The following UBE2E1 variants were observed in gnomAD, a reference collection of about 807,000 sequenced individuals.
The protein encoded by UBE2E1 is ubiquitin conjugating enzyme E2 E1.
A neutral mutation model predicts 21.4 loss-of-function variants in UBE2E1; 6 were observed. The observed-to-expected ratio is 0.28, with a 90% CI of 0.15 to 0.55. The LOEUF is 0.55. Ranked by LOEUF, UBE2E1 falls within the 20% of genes least tolerant of loss-of-function variation. The pLI is 0.93. For missense variants in UBE2E1, 142 were observed against 236.5 expected, an observed-to-expected ratio of 0.60 and a Z score of 2.62; for synonymous variants, 87 against 82.7, an observed-to-expected ratio of 1.05 and a Z score of -0.28.
intron 3 of UBE2E1, among the ~76,000 whole-genome samples, chr3:23,815,849 A>C (rs1699504465): frequency 6.6e-6 from 1 of 152,238 alleles, no homozygotes. Context: ...TAGAAGTGTG[A>C]CTTAAACATC....
At chr3:23,812,028 T>C (rs1281906292) in intron 3 of UBE2E1, among the ~76,000 whole-genome samples, 1 of 152,218 alleles carries the variant, frequency 6.6e-6, no homozygotes, top group South Asian at 2.1e-4. Context: ...TTCTTTTAAA[T>C]TGTAGAGTTA....
At chr3:23,872,045 C>G (rs1007683683) in intron 3 of UBE2E1, among the ~76,000 whole-genome samples, 10 of 151,890 alleles carry the variant, frequency 6.6e-5, no homozygotes, top group East Asian at 5.8e-4. Flanking sequence ...AGGTTGTAGC[C>G]GGCCGAGATC....
At chr3:23,814,300 T>C (rs934210179) in intron 3 of UBE2E1, among the ~76,000 whole-genome samples, 1 of 152,248 alleles carries the variant, frequency 6.6e-6, no homozygotes, top group Non-Finnish European at 1.5e-5. Flanking sequence ...TTGCTCAATA[T>C]GTTATAATGT....
intron 3 of UBE2E1, among the ~76,000 whole-genome samples, chr3:23,855,923 A>T (rs908223874): frequency 1.3e-5 from 2 of 152,188 alleles, no homozygotes; most frequent in African/African-American, 2.4e-5. Flanking sequence ...CAGTTCCGTG[A>T]GGTGTGGTAT....
chr3:23,826,188 A>G (rs1442722006), intron 3 of UBE2E1, among the ~76,000 whole-genome samples: 1 of 152,222 alleles, frequency 6.6e-6, no homozygotes, highest in Non-Finnish European at 1.5e-5. Flanking sequence ...ATATCTAGAT[A>G]TCTGTGTATC....
At chr3:23,839,330 G>T (rs1204303661) in intron 3 of UBE2E1, among the ~76,000 whole-genome samples, 1 of 151,970 alleles carries the variant, frequency 6.6e-6, no homozygotes, top group Non-Finnish European at 1.5e-5. Context: ...CGGGCATGGT[G>T]ACATGCGCAT....
intron 3 of UBE2E1, among the ~76,000 whole-genome samples, chr3:23,868,774 G>A (rs1171135206): frequency 6.6e-6 from 1 of 151,082 alleles, no homozygotes; most frequent in Non-Finnish European, 1.5e-5. Flanking sequence ...AAAATCCCCT[G>A]CATCTCATCC....
At chr3:23,824,342 G>A (rs573667529) in intron 3 of UBE2E1, among the ~76,000 whole-genome samples, 1 of 152,244 alleles carries the variant, frequency 6.6e-6, no homozygotes, top group East Asian at 1.9e-4. Context: ...ATGAATTTGT[G>A]AAGAAAGGCA....
At chr3:23,846,161 T>C (rs1229246770) in intron 3 of UBE2E1, among the ~76,000 whole-genome samples, 1 of 152,246 alleles carries the variant, frequency 6.6e-6, no homozygotes, top group Non-Finnish European at 1.5e-5. Flanking sequence ...AAGTAGTTCT[T>C]AATGGTCAGG....
chr3:23,861,911 T>C (rs1201815994), intron 3 of UBE2E1, among the ~76,000 whole-genome samples: 1 of 152,242 alleles, frequency 6.6e-6, no homozygotes, highest in Non-Finnish European at 1.5e-5. Context: ...AAAGCCAGGA[T>C]ACAGAAAGCC....
At chr3:23,813,383 G>A (rs1699444316) in intron 3 of UBE2E1, among the ~76,000 whole-genome samples, 1 of 152,062 alleles carries the variant, frequency 6.6e-6, no homozygotes, top group African/African-American at 2.4e-5. Context: ...TTTACTTTTG[G>A]TTGGCTAATG....
intron 3 of UBE2E1, among the ~76,000 whole-genome samples, chr3:23,881,524 CACAGT>C (rs1287658660): frequency 4.6e-5 from 7 of 152,116 alleles, no homozygotes; most frequent in African/African-American, 1.7e-4. Context: ...TTTAAAAAGG[CACAGT>C]CTTATACTTA....
intron 3 of UBE2E1, among the ~76,000 whole-genome samples, chr3:23,868,173 C>A (rs569256345): frequency 6.6e-6 from 1 of 152,190 alleles, no homozygotes; most frequent in South Asian, 2.1e-4. Context: ...AACATACATT[C>A]GAATGCCTGG....
Position 23,807,421 on chromosome 3 carries a change from G to T in UBE2E1, c.152G>T (p.Arg51Ile). The T allele has an allele frequency of 6.3e-7, 1 of 1,599,986 alleles. No individual in the cohort carries two copies. Among genetic ancestry groups the T allele is most frequent in the Non-Finnish European group, 8.5e-7 (1 of 1,176,060 alleles). ...NSKLLSTSAK[R>I]IQKELADITL... is the part of the protein sequence containing the mutation. ...AAACTCCTCTCCACCAGCGCCAAGAGGTACTGTGCTCTTTTTTTTTTCCAC... is the reference window on the plus strand; with the variant it reads ...AAACTCCTCTCCACCAGCGCCAAGATGTACTGTGCTCTTTTTTTTTTCCAC... The change falls in exon 2 of 6, where the codon AGA becomes ATA. Residue 51 changes from arginine (R) to isoleucine (I), a missense_variant and splice_region_variant. Transcript: ENST00000306627.
rs1225331759 is a variant in UBE2E1 at position 23,853,611 on chromosome 3, A to G, written c.204-33956A>G. On this transcript the variant is annotated intron_variant, in intron 3 of 5. Transcript: ENST00000306627. This position sits in a 1 kb window ranked among gnomAD's most constrained non-coding sequence, Gnocchi z 4.1. ...GTCTCTTCATTTCTGTTCACAATTC[A>G]GTCTTTAAATGCATATAGGAGAGTT... Among the ~76,000 whole-genome samples, 1 of 152,056 alleles carries G rather than the reference A, an allele frequency of 6.6e-6. No individual in the cohort carries two copies. The highest frequency in any genetic ancestry group is 2.4e-5 in the African/African-American group (1 of 41,396).
chr3:23,881,426 C>G (rs1470058086), intron 3 of UBE2E1, among the ~76,000 whole-genome samples: 1 of 152,168 alleles, frequency 6.6e-6, no homozygotes, highest in Non-Finnish European at 1.5e-5. Flanking sequence ...TAGGCATGGT[C>G]TCTTCACTTC....
At chr3:23,818,183 GAAAT>G (rs1253239328) in intron 3 of UBE2E1, among the ~76,000 whole-genome samples, 7 of 152,306 alleles carry the variant, frequency 4.6e-5, no homozygotes, top group African/African-American at 1.7e-4. Context: ...TGCATTAACA[GAAAT>G]AAATAAGGCA....
intron 2 of UBE2E1, 115 bp downstream of exon 2, chr3:23,807,536 T>TA: frequency 7.5e-7 from 1 of 1,332,546 alleles, no homozygotes; most frequent in Non-Finnish European, 1.0e-6. Context: ...TATGTGTTCT[T>TA]AAAAATGAAA....
chr3:23,815,038 G>A (rs905052912), intron 3 of UBE2E1, among the ~76,000 whole-genome samples: 18 of 152,142 alleles, frequency 1.2e-4, no homozygotes, highest in South Asian at 1.0e-3. Context: ...CACCCAGGCT[G>A]GAGTGCAGTG....
Sources: allele counts gnomAD v4.1 joint callset (sites outside exome capture counted in the v4.1 genomes callset), GRCh38; gene constraint gnomAD v4.1.1; non-coding constraint Gnocchi (gnomAD v3.1); transcripts MANE v1.5; gene names NCBI Gene and HGNC (gene_info 2026-07-23, HGNC 2026-07-21).